The following ANKRD50 variants were observed in gnomAD, a reference collection of about 807,000 sequenced individuals.
The protein encoded by ANKRD50 is ankyrin repeat domain-containing protein 50.
Under a neutral mutation model 112.0 loss-of-function variants are expected in ANKRD50, and 40 were observed. That is an observed-to-expected ratio of 0.36 (90% CI 0.28 to 0.46). The LOEUF is 0.46. Ranked by LOEUF, ANKRD50 falls within the 20% of genes least tolerant of loss-of-function variation. ANKRD50 has a pLI of 1.00. For synonymous variants in ANKRD50, 613 were observed against 619.1 expected (o/e 0.99, Z 0.15); for missense variants, 1,487 against 1,701.7 (o/e 0.87, Z 2.22).
In ANKRD50 at chr4:124,683,274, T is replaced by TA. The variant is rs750916742; in HGVS notation, c.513-4370dup. Among the ~76,000 whole-genome samples the TA allele has an allele frequency of 3.9e-3, 585 of 151,068 alleles. 3 individuals are homozygous for TA. Among genetic ancestry groups the TA allele is most frequent in the Non-Finnish European group, 6.3e-3 (424 of 67,658 alleles). On this transcript the variant is annotated intron_variant, in intron 2 of 4. Transcript: ENST00000504087. ...TGAAAAATGGCATCCTCATTATAGT[T>TA]AAAAAAAACTATACAATACATATAT...
At position 124,710,323 on chromosome 4, in the gene ANKRD50, A is replaced by G; in HGVS notation, c.189T>C (p.Gly63=). The change falls in exon 2 of 5, where the codon GGT becomes GGC. Residue 63 remains glycine (G), a synonymous_variant. Transcript: ENST00000504087. The part of the protein sequence containing the change: ...LVMNSGNNAS[G]VSGKGAAWGV... ...CCCAGGCAGCTCCCTTTCCAGAGAC[A>G]CCACTAGCATTATTCCCAGAATTCA... The G allele has an allele frequency of 6.2e-7, 1 of 1,614,174 alleles. No individual in the cohort carries two copies. The highest frequency in any genetic ancestry group is 2.2e-5 in the East Asian group (1 of 44,880).
In ANKRD50 at chr4:124,671,129, T is replaced by C. The variant is rs770759615; in HGVS notation, c.2148A>G (p.Val716=). 6 of 1,613,736 alleles carry C rather than the reference T, an allele frequency of 3.7e-6. No homozygotes were observed. The East Asian group carries it at 6.7e-5, about 18-fold the overall frequency. ...TACTTGCAGGCACACAAAGTGCAGCTACAGAGAGTGCAGTCCTGCCATCAA... is the reference window on the plus strand; with the variant it reads ...TACTTGCAGGCACACAAAGTGCAGCCACAGAGAGTGCAGTCCTGCCATCAA... ...EDVDGRTALS[V]AALCVPASKG... is the part of the protein sequence containing the mutation. Residue 716 remains valine, a synonymous_variant, in exon 4 of 5, where the codon GTA becomes GTG. Transcript: ENST00000504087.
Position 124,712,461 on chromosome 4 carries a change from G to C in ANKRD50, c.-767C>G, listed in dbSNP as rs980483740. ...GCCGCCGCCGCCCCCCGGTTACCTC[G>C]GCCCCAGCCGCCGCCGTGGCCGCCG... On this transcript the variant is annotated 5_prime_UTR_variant, in exon 1 of 5. Transcript: ENST00000504087. The C allele has an allele frequency of 1.9e-5, 3 of 156,860 alleles. No individual in the cohort carries two copies. Among genetic ancestry groups the C allele is most frequent in the Non-Finnish European group, 4.1e-5 (3 of 72,452 alleles). The allele number at this position is 156,860 out of a possible 1,614,324, so 9.7% of individuals were successfully genotyped here.
In ANKRD50 at chr4:124,669,592, G is replaced by A. The variant is rs759095901; in HGVS notation, c.3685C>T (p.Arg1229Ter). The A allele has an allele frequency of 6.2e-7, 1 of 1,613,400 alleles. No individual in the cohort carries two copies. Among genetic ancestry groups the A allele is most frequent in the Non-Finnish European group, 8.5e-7 (1 of 1,179,818 alleles). The part of the protein sequence containing the change: ...QQHSLPRSRS[R>*]QSIVSPSSTT... The stretch of plus-strand genomic sequence containing the variant: ...GAAGATGGGGAAACAATTGACTGTC[G>A]ACTTCTACTGCGTGGCAATGAATGC... The change falls in exon 4 of 5, where the codon CGA (arginine) becomes TGA (stop). Residue 1229 changes from arginine to a stop codon, truncating the protein, a stop_gained. Coordinates refer to ENST00000504087, the MANE Select transcript of ANKRD50 (RefSeq NM_020337.3). LOFTEE classifies it high-confidence loss of function.
rs1730590969 is a variant in ANKRD50 at position 124,669,853 on chromosome 4, C to G, written c.3424G>C (p.Gly1142Arg). 6.2e-7 allele frequency: 1 copy of G among 1,612,648 alleles called. No homozygotes were observed. ...TIKSNSSGST[G>R]GGDMQPSLRG... The stretch of plus-strand genomic sequence containing the variant: ...AACGAAGGCTGCATATCCCCTCCAC[C>G]AGTACTACCAGAGCTATTTGATTTA... Residue 1142 changes from glycine to arginine, a missense_variant, in exon 4 of 5, where the codon GGT becomes CGT. This residue lies in a region of ANKRD50 where 441 missense variants were observed against 432.2 expected (regional missense o/e 1.02). Transcript: ENST00000504087.
At position 124,708,360 on chromosome 4, in the gene ANKRD50, G is replaced by C. The variant is rs77459980; in HGVS notation, c.512+1640C>G. 3.1e-3 allele frequency among the ~76,000 whole-genome samples: 468 copies of C among 152,246 alleles called. 1 individual carries two copies. The highest frequency in any genetic ancestry group is 5.5e-3 in the Non-Finnish European group (373 of 67,992). On this transcript the variant is annotated intron_variant, in intron 2 of 4. Transcript: ENST00000504087. ...AGAATGATACAACAGTTTTAACGCT[G>C]ACTTTGATGGCTAACAACAAAAGAT...
chr4:124,697,348 T>C lies in ANKRD50; in HGVS notation c.512+12652A>G, dbSNP rs553410801. The stretch of plus-strand genomic sequence containing the variant: ...ATTTCAAAATCAAAGGTTGGTGCTA[T>C]GGTTGAGTGTTCCTGCCAAAACTCA... On this transcript the variant is annotated intron_variant, in intron 2 of 4. Transcript: ENST00000504087. 1.1e-4 allele frequency among the ~76,000 whole-genome samples: 17 copies of C among 152,318 alleles called. No homozygotes were observed. The South Asian group carries it at 1.9e-3, about 17-fold the overall frequency.
At chr4:124,690,602 T>C (rs1725114224) in intron 2 of ANKRD50, among the ~76,000 whole-genome samples, 2 of 152,280 alleles carry the variant, frequency 1.3e-5, no homozygotes, top group African/African-American at 4.8e-5. Flanking sequence ...ATAAATAGCA[T>C]TACCTTTACA....
intron 3 of ANKRD50, among the ~76,000 whole-genome samples, chr4:124,673,554 C>T (rs756603327): frequency 7.9e-5 from 12 of 151,776 alleles, no homozygotes; most frequent in Non-Finnish European, 1.5e-4. Flanking sequence ...GCAAAAATAA[C>T]GTGATGGACT....
At chr4:124,686,057 T>C (rs1430218549) in intron 2 of ANKRD50, among the ~76,000 whole-genome samples, 2 of 152,174 alleles carry the variant, frequency 1.3e-5, no homozygotes, top group Non-Finnish European at 2.9e-5. Flanking sequence ...GAAACTGAAA[T>C]GAAAGACATC....
intron 2 of ANKRD50, among the ~76,000 whole-genome samples, chr4:124,685,054 A>G (rs146372374): frequency 6.6e-6 from 1 of 152,238 alleles, no homozygotes; most frequent in Non-Finnish European, 1.5e-5. Flanking sequence ...CATCACCATT[A>G]CTGTTCCTGC....
intron 2 of ANKRD50, among the ~76,000 whole-genome samples, chr4:124,696,783 T>G (rs1030533722): frequency 6.6e-6 from 1 of 152,226 alleles, no homozygotes; most frequent in Non-Finnish European, 1.5e-5. Flanking sequence ...TAACATGTAA[T>G]GAATTATTAA....
chr4:124,669,373 T>C lies in ANKRD50; in HGVS notation c.3904A>G (p.Thr1302Ala), dbSNP rs764755874. 72 of 1,613,548 alleles carry C rather than the reference T, an allele frequency of 4.5e-5. No individual in the cohort carries two copies. Among genetic ancestry groups the C allele is most frequent in the Non-Finnish European group, 5.5e-5 (65 of 1,179,814 alleles). The stretch of plus-strand genomic sequence containing the variant: ...ATAGGTCCTCTTCTATCAAACTGAG[T>C]CATTTCATATTCTAAAACCTTTGGC... ...SQPKVLEYEM[T>A]QFDRRGPIAK... The change falls in exon 4 of 5, where the codon ACT becomes GCT. Residue 1302 changes from threonine to alanine, a missense_variant. This residue lies in a region of ANKRD50 where 441 missense variants were observed against 432.2 expected (regional missense o/e 1.02). Transcript: ENST00000504087.
At position 124,669,732 on chromosome 4, in the gene ANKRD50, T is replaced by C. The variant is rs1272748858; in HGVS notation, c.3545A>G (p.Asn1182Ser). 2 of 1,613,228 alleles carry C rather than the reference T, an allele frequency of 1.2e-6. No individual in the cohort carries two copies. The highest frequency in any genetic ancestry group is 1.7e-6 in the Non-Finnish European group (2 of 1,179,756). ...VDRQKSSLSN[N>S]SLKSSKNSSL... ...TGAATTTTTTGAGCTTTTCAGGGAA[T>C]TATTTGACAGTGATGACTTCTGCCG... Residue 1182 changes from asparagine to serine, a missense_variant, in exon 4 of 5, where the codon AAT becomes AGT. Coordinates refer to ENST00000504087, the MANE Select transcript of ANKRD50 (RefSeq NM_020337.3).
At chr4:124,673,634 A>G (rs1335889958) in intron 3 of ANKRD50, among the ~76,000 whole-genome samples, 1 of 152,120 alleles carries the variant, frequency 6.6e-6, no homozygotes, top group Non-Finnish European at 1.5e-5. Context: ...GAGAAGGACG[A>G]GTCAAAGCTG....
intron 2 of ANKRD50, 131 bp downstream of exon 2, chr4:124,709,869 A>G (rs1290593431): frequency 4.0e-6 from 5 of 1,262,836 alleles, no homozygotes; most frequent in Admixed American, 2.6e-5. Context: ...AGGTATACTC[A>G]TAACTTCAGA....
chr4:124,698,027 T>C (rs1195314757), intron 2 of ANKRD50, among the ~76,000 whole-genome samples: 1 of 152,118 alleles, frequency 6.6e-6, no homozygotes, highest in Non-Finnish European at 1.5e-5. Context: ...TTTTGAAGCA[T>C]TTGCTGTAAA....
At chr4:124,681,356 G>C (rs1203264920) in intron 2 of ANKRD50, among the ~76,000 whole-genome samples, 1 of 152,188 alleles carries the variant, frequency 6.6e-6, no homozygotes, top group Non-Finnish European at 1.5e-5. Context: ...TACTTTATAA[G>C]TGGTAAGAAA....
intron 2 of ANKRD50, among the ~76,000 whole-genome samples, chr4:124,686,269 G>C (rs72680256): frequency 7.0e-4 from 106 of 152,278 alleles, no homozygotes; most frequent in Non-Finnish European, 1.3e-3. Context: ...TTCCTCACTT[G>C]TTCAGACATA....
Sources: allele counts gnomAD v4.1 joint callset (sites outside exome capture counted in the v4.1 genomes callset), GRCh38; gene constraint gnomAD v4.1.1; regional missense constraint gnomAD v4.1.1; transcripts MANE v1.5; gene names NCBI Gene and HGNC (gene_info 2026-07-23, HGNC 2026-07-21).